Variants in SEPTIN12 observed in about 807,000 individuals in gnomAD.
The protein encoded by SEPTIN12 is septin 12, also known as septin-12.
In SEPTIN12, 42 loss-of-function variants were observed where a neutral mutation model predicts 37.7. The ratio of observed to expected loss-of-function variants is 1.11; its 90% confidence interval spans 0.87 to 1.44. The LOEUF (loss-of-function observed/expected upper bound fraction) is 1.44, where lower values mean the gene tolerates loss of function less well. Among genes scored for constraint, SEPTIN12 ranks in the 40% most tolerant of loss-of-function variants. The pLI, the probability that SEPTIN12 is intolerant of heterozygous loss-of-function variation, is 0.00. For synonymous variants in SEPTIN12, 254 were observed against 196.7 expected, an observed-to-expected ratio of 1.29 and a Z score of -2.44; for missense variants, 613 against 479.2, an observed-to-expected ratio of 1.28 and a Z score of -2.61.
upstream of SEPTIN12, chr16:4,788,708 C>T (rs1003819685): frequency 2.0e-5 from 3 of 152,350 alleles, no homozygotes; most frequent in Admixed American, 6.5e-5. Flanking sequence ...AGTCCTGACT[C>T]TGCACATGGC....
Position 4,777,617 on chromosome 16 carries a change from C to G in SEPTIN12, c.*180G>C, listed in dbSNP as rs147980524. 1,260 of 583,148 alleles carry G rather than the reference C, an allele frequency of 2.2e-3. 14 individuals carry two copies. Among genetic ancestry groups the G allele is most frequent in the African/African-American group, 0.02 (1,093 of 53,482 alleles). 36.1% of individuals were successfully genotyped at this position (583,148 alleles called of 1,614,324 possible). ...TACTCCAGCCTGGGTAACAGAGTGA[C>G]ACCCAGCCTTTTTATTTGTGGATAG... On this transcript the variant is annotated 3_prime_UTR_variant, in exon 10 of 10. Transcript: ENST00000268231.
chr16:4,784,060 G>A lies in SEPTIN12; in HGVS notation c.383C>T (p.Pro128Leu), dbSNP rs750523682. 2 of 1,614,096 alleles carry A rather than the reference G, an allele frequency of 1.2e-6. No individual in the cohort carries two copies. The highest frequency in any genetic ancestry group is 8.5e-7 in the Non-Finnish European group (1 of 1,180,008). ...DQINNDNCWD[P>L]ILGYINEQYE... is the part of the protein sequence containing the mutation. ...TTGCTCGTTGATGTAGCCCAGGATG[G>A]GGTCCCAGCTGAGGCGGGAGGTGGA... Residue 128 changes from proline to leucine, a missense_variant, in exon 5 of 10, where the codon CCC (proline) becomes CTC (leucine). Pro to Leu is a moderately conservative substitution (Grantham distance 98, BLOSUM62 -3). Coordinates refer to ENST00000268231, the MANE Select transcript of SEPTIN12 (RefSeq NM_144605.5).
intron 4 of SEPTIN12, among the ~76,000 whole-genome samples, chr16:4,785,194 T>G (rs1370826004): frequency 2.0e-5 from 3 of 151,178 alleles, no homozygotes; most frequent in African/African-American, 7.3e-5. Flanking sequence ...GAGGTTGCAG[T>G]GAGCAGAGAT....
chr16:4,778,356 C>G (rs9929308), intron 8 of SEPTIN12, among the ~76,000 whole-genome samples: 37 of 152,332 alleles, frequency 2.4e-4, no homozygotes, highest in Admixed American at 5.2e-4. Flanking sequence ...ATGAATGAAT[C>G]CACCAATCAT....
intron 7 of SEPTIN12, 27 bp downstream of exon 7, chr16:4,783,435 C>T: frequency 3.8e-6 from 6 of 1,572,986 alleles, no homozygotes; most frequent in South Asian, 1.1e-5. Flanking sequence ...AATCACCTCG[C>T]CCGCCTCCCG....
rs1355635678 is a variant in SEPTIN12 at position 4,783,975 on chromosome 16, G to C, written c.468C>G (p.Thr156=). Residue 156 remains threonine (T), a synonymous_variant, in exon 5 of 10, where the codon ACC becomes ACG. Transcript: ENST00000268231. ...LITRQRHIPD[T]RVHCCVYFVP... ...CAAAGTACACGCAGCAGTGCACCCG[G>C]GTGTCTGGGATGTGGCGCTGGCGGG... is the stretch of plus-strand genomic sequence containing the variant. The C allele has an allele frequency of 6.2e-7, 1 of 1,614,076 alleles. No individual in the cohort carries two copies. The highest frequency in any genetic ancestry group is 8.5e-7 in the Non-Finnish European group (1 of 1,180,030).
chr16:4,787,011 A>T (rs1303368301), intron 2 of SEPTIN12, among the ~76,000 whole-genome samples: 1 of 150,992 alleles, frequency 6.6e-6, no homozygotes, highest in Admixed American at 6.6e-5. Context: ...AGTAGCTCCT[A>T]AGTACAGGCG....
chr16:4,779,712 C>A lies in SEPTIN12; in HGVS notation c.801G>T (p.Lys267Asn). The A allele has an allele frequency of 6.2e-7, 1 of 1,613,436 alleles. No individual in the cohort carries two copies. Among genetic ancestry groups the A allele is most frequent in the Non-Finnish European group, 8.5e-7 (1 of 1,179,404 alleles). ...GACCTTCAATGATGCCCCACTTGGT[C>A]TTCCGGCCCAGGACACACCTCCCGT... ...LVNGRCVLGR[K>N]TKWGIIEVEN... Residue 267 changes from lysine (K) to asparagine (N), a missense_variant, in exon 8 of 10, where the codon AAG (lysine) becomes AAT (asparagine). Coordinates refer to ENST00000268231, the MANE Select transcript of SEPTIN12 (RefSeq NM_144605.5).
At chr16:4,787,075 C>T (rs1161474701) in intron 2 of SEPTIN12, among the ~76,000 whole-genome samples, 1 of 152,092 alleles carries the variant, frequency 6.6e-6, no homozygotes, top group Non-Finnish European at 1.5e-5. Context: ...GGAGTTTCCC[C>T]ATGTTGGCCA....
intron 8 of SEPTIN12, among the ~76,000 whole-genome samples, chr16:4,778,727 G>C (rs1234235803): frequency 6.6e-6 from 1 of 152,138 alleles, no homozygotes; most frequent in African/African-American, 2.4e-5. Context: ...TTGAACCTGA[G>C]AGGCGGAAGT....
Position 4,779,803 on chromosome 16 carries a change from C to G in SEPTIN12, c.727-17G>C, listed in dbSNP as rs1427663291. 1 of 1,558,746 alleles carries G rather than the reference C, an allele frequency of 6.4e-7. No individual in the cohort carries two copies. The highest frequency in any genetic ancestry group is 1.7e-5 in the Admixed American group (1 of 59,922). On this transcript the variant is annotated splice_polypyrimidine_tract_variant and intron_variant, in intron 7 of 9. Transcript: ENST00000268231. Reference sequence around the variant, plus strand: ...GATTCGGTCCTGGGAAAGGAGAAGACACAGAGATGGGAGGATTGACTTCGC... The same window carrying G: ...GATTCGGTCCTGGGAAAGGAGAAGAGACAGAGATGGGAGGATTGACTTCGC...
At chr16:4,780,096 C>G (rs1325889242) in intron 7 of SEPTIN12, among the ~76,000 whole-genome samples, 2 of 151,892 alleles carry the variant, frequency 1.3e-5, no homozygotes, top group East Asian at 3.9e-4. Flanking sequence ...AAAAAATTAG[C>G]TGAGCTTATA....
chr16:4,782,194 C>T (rs2082379804), intron 7 of SEPTIN12, among the ~76,000 whole-genome samples: 1 of 152,082 alleles, frequency 6.6e-6, no homozygotes, highest in Non-Finnish European at 1.5e-5. Flanking sequence ...AAGTGATCTG[C>T]CCACCTCAGC....
At chr16:4,791,340 CA>C (rs879627539), upstream of SEPTIN12, among the ~76,000 whole-genome samples, 4 of 152,242 alleles carry the variant, frequency 2.6e-5, no homozygotes, top group Non-Finnish European at 4.4e-5. Flanking sequence ...TGGAAGAGGA[CA>C]AAAGCCTGGA....
rs1368186226 is a variant in SEPTIN12, at chr16:4,777,871, G to C, written c.1003C>G (p.Pro335Ala). Reference sequence around the variant, plus strand: ...GTCCGGGGGGTGGTCAGCTGTCCTGGGGAGGCCGGGGCCAGGTTCACCCAG... The same window carrying C: ...GTCCGGGGGGTGGTCAGCTGTCCTGCGGAGGCCGGGGCCAGGTTCACCCAG... ...PGWVNLAPAS[P>A]GQLTTPRTFK... The change falls in exon 10 of 10, where the codon CCA becomes GCA. Residue 335 changes from proline (P) to alanine (A), a missense_variant. Transcript: ENST00000268231. The C allele has an allele frequency of 6.3e-7, 1 of 1,596,894 alleles. No homozygotes were observed. Among genetic ancestry groups the C allele is most frequent in the South Asian group, 1.1e-5 (1 of 88,360 alleles).
At chr16:4,784,829 G>A (rs1251150639) in intron 4 of SEPTIN12, among the ~76,000 whole-genome samples, 1 of 151,884 alleles carries the variant, frequency 6.6e-6, no homozygotes, top group Non-Finnish European at 1.5e-5. Context: ...TGAAACCAGG[G>A]CCAGGTGCGG....
In SEPTIN12 at chr16:4,783,554, G is replaced by C; in HGVS notation, c.634C>G (p.Gln212Glu). Reference protein sequence around the residue: ...EEREAFRRRIQQNLRTHCIDV... With the variant: ...EEREAFRRRIEQNLRTHCIDV... ...ATGCAGTGGGTCCTCAGGTTCTGCT[G>C]GATCTGGAGATCCCACACAGGTGAC... The change falls in exon 7 of 10, where the codon CAG becomes GAG. Residue 212 changes from glutamine (Q) to glutamate (E), a missense_variant. By Grantham distance (29) the Gln-to-Glu change is conservative. Transcript: ENST00000268231. 1.2e-6 allele frequency: 2 copies of C among 1,614,048 alleles called. No individual in the cohort carries two copies. The highest frequency in any genetic ancestry group is 1.7e-6 in the Non-Finnish European group (2 of 1,179,914).
In SEPTIN12 at chr16:4,777,851, G is replaced by A. The variant is rs1454251725; in HGVS notation, c.1023C>T (p.Pro341=). 6.3e-7 allele frequency: 1 copy of A among 1,596,496 alleles called. No individual in the cohort carries two copies. Among genetic ancestry groups the A allele is most frequent in the Non-Finnish European group, 8.5e-7 (1 of 1,172,486 alleles). The change falls in exon 10 of 10, where the codon CCC becomes CCT. Residue 341 remains proline (P), a synonymous_variant. Transcript: ENST00000268231. ...CCCCCCTGCAGACCTTGAAGGTCCG[G>A]GGGGTGGTCAGCTGTCCTGGGGAGG... The part of the protein sequence containing the change: ...APASPGQLTT[P]RTFKVCRGAH...
rs1330141474 is a variant in SEPTIN12 at position 4,777,880 on chromosome 16, G to A, written c.994C>T (p.Pro332Ser). ...PRGPGWVNLA[P>S]ASPGQLTTPR... ...GTGGTCAGCTGTCCTGGGGAGGCCG[G>A]GGCCAGGTTCACCCAGCCGGGCCCG... The change falls in exon 10 of 10, where the codon CCG (proline) becomes TCG (serine). Residue 332 changes from proline to serine, a missense_variant. Transcript: ENST00000268231. The A allele has an allele frequency of 4.4e-6, 7 of 1,598,102 alleles. No individual in the cohort carries two copies.
Sources: allele counts gnomAD v4.1 joint callset (sites outside exome capture counted in the v4.1 genomes callset), GRCh38; gene constraint gnomAD v4.1.1; transcripts MANE v1.5; gene names NCBI Gene and HGNC (gene_info 2026-07-23, HGNC 2026-07-21).